Variants in ARHGAP26 observed in about 807,000 individuals in gnomAD.
ARHGAP26 encodes rho GTPase-activating protein 26.
ARHGAP26 carries 38 observed loss-of-function variants against 104.8 expected under a neutral mutation model. The ratio of observed to expected loss-of-function variants is 0.36; its 90% CI spans 0.28 to 0.48. The LOEUF is 0.48. Among genes scored for constraint, ARHGAP26 ranks in the 20% least tolerant of loss-of-function variants. The probability of loss-of-function intolerance (pLI) is 0.99; values close to 1 mark genes in which losing one functional copy is unlikely to be tolerated. For synonymous variants in ARHGAP26, 341 were observed against 340.0 expected, an observed-to-expected ratio of 1.00 and a Z score of -0.03; for missense variants, 704 against 947.9, an observed-to-expected ratio of 0.74 and a Z score of 3.38.
chr5:142,994,041 G>A (rs1004391285), intron 11 of ARHGAP26, among the ~76,000 whole-genome samples: 1 of 152,188 alleles, frequency 6.6e-6, no homozygotes, highest in East Asian at 1.9e-4. Flanking sequence ...CATTCAACCA[G>A]TATTTATTAA....
chr5:142,879,330 C>T (rs1756594588), intron 3 of ARHGAP26, 44 bp from the exon 4 acceptor site: 1 of 1,570,676 alleles, frequency 6.4e-7, no homozygotes. Context: ...TTTACTGATA[C>T]TGCTTTTGTG....
chr5:143,222,245 A>G (rs1378936231), intron 22 of ARHGAP26, 113 bp from the exon 23 acceptor site: 3 of 460,204 alleles, frequency 6.5e-6, no homozygotes, highest in Admixed American at 9.6e-5. Flanking sequence ...AGCTTCCTTC[A>G]TACACACACA....
intron 19 of ARHGAP26, among the ~76,000 whole-genome samples, chr5:143,144,278 T>C (rs1326980777): frequency 6.6e-6 from 1 of 152,228 alleles, no homozygotes; most frequent in Non-Finnish European, 1.5e-5. Context: ...TTTTAATTTT[T>C]ATTTTTTAAA....
chr5:143,042,719 T>C (rs1203529915), intron 14 of ARHGAP26, among the ~76,000 whole-genome samples: 3 of 152,206 alleles, frequency 2.0e-5, no homozygotes, highest in Admixed American at 2.0e-4. Flanking sequence ...GTGTTAGTAT[T>C]TGTAATTTCT....
At chr5:142,898,622 C>G (rs1219719014) in intron 6 of ARHGAP26, among the ~76,000 whole-genome samples, 1 of 152,202 alleles carries the variant, frequency 6.6e-6, no homozygotes, top group Admixed American at 6.5e-5. Context: ...GTCTGATTCT[C>G]TCTCTCTCTC....
intron 1 of ARHGAP26, among the ~76,000 whole-genome samples, chr5:142,836,378 C>CT (rs945448029): frequency 2.0e-5 from 3 of 152,150 alleles, no homozygotes; most frequent in African/African-American, 7.2e-5. Flanking sequence ...AGAGATGTTC[C>CT]TTTTTCCCAA....
chr5:142,889,325 C>T (rs1344344056), intron 5 of ARHGAP26, among the ~76,000 whole-genome samples: 1 of 152,154 alleles, frequency 6.6e-6, no homozygotes, highest in Non-Finnish European at 1.5e-5. Flanking sequence ...TTCTAGTAGT[C>T]TAGTAGGCCA....
chr5:143,107,293 C>T (rs1030875110), intron 17 of ARHGAP26, among the ~76,000 whole-genome samples: 14 of 152,150 alleles, frequency 9.2e-5, no homozygotes, highest in Middle Eastern at 3.4e-3. Flanking sequence ...GTATAGGCCA[C>T]GATGAGGTGT....
At chr5:142,939,436 C>T (rs527904194) in intron 11 of ARHGAP26, among the ~76,000 whole-genome samples, 41 of 152,310 alleles carry the variant, frequency 2.7e-4, no homozygotes, top group Middle Eastern at 3.4e-3. Flanking sequence ...CTTCTGTTTT[C>T]GTCTTTGTGG....
intron 20 of ARHGAP26, among the ~76,000 whole-genome samples, chr5:143,166,589 G>C (rs1801980103): frequency 6.6e-6 from 1 of 152,090 alleles, no homozygotes; most frequent in African/African-American, 2.4e-5. Context: ...GCTTTGGATT[G>C]CCATGACCCC....
At chr5:143,218,742 C>G (rs1810733694) in intron 22 of ARHGAP26, among the ~76,000 whole-genome samples, 1 of 152,374 alleles carries the variant, frequency 6.6e-6, no homozygotes, top group African/African-American at 2.4e-5. Context: ...ATGTTGGACA[C>G]TGGTGCAGTT....
At chr5:142,936,240 A>G (rs1441796578) in intron 11 of ARHGAP26, among the ~76,000 whole-genome samples, 7 of 152,102 alleles carry the variant, frequency 4.6e-5, no homozygotes, top group Non-Finnish European at 7.4e-5. Flanking sequence ...ATTAGCCATA[A>G]TCATATGGTG....
At chr5:143,151,230 C>CGTGT (rs1799803843) in intron 20 of ARHGAP26, among the ~76,000 whole-genome samples, 3 of 152,202 alleles carry the variant, frequency 2.0e-5, no homozygotes, top group Admixed American at 2.0e-4. Flanking sequence ...TACCACTACA[C>CGTGT]ACCTCTGAGA....
rs767782413 is a variant in ARHGAP26 at position 143,134,096 on chromosome 5, A to G, written c.1828A>G (p.Thr610Ala). The change falls in exon 19 of 23, where the codon ACA becomes GCA. Residue 610 changes from threonine (T) to alanine (A), a missense_variant. This residue lies in a region of ARHGAP26 where 217 missense variants were observed against 242.6 expected (regional missense o/e 0.89). Coordinates refer to ENST00000645722, the MANE Select transcript of ARHGAP26 (RefSeq NM_001135608.3). Reference sequence around the variant, plus strand: ...GACGCTCTTCCACACCGTTCAGTCAACAGAGAAACGTGAGTCTTTGCTGCA... The same window carrying G: ...GACGCTCTTCCACACCGTTCAGTCAGCAGAGAAACGTGAGTCTTTGCTGCA... ...PLTLFHTVQSTEKQEQRNSII... is the reference protein window; with the variant it reads ...PLTLFHTVQSAEKQEQRNSII... 3 of 1,609,596 alleles carry G rather than the reference A, an allele frequency of 1.9e-6. No individual in the cohort carries two copies. Among genetic ancestry groups the G allele is most frequent in the African/African-American group, 1.3e-5 (1 of 74,806 alleles).
intron 19 of ARHGAP26, among the ~76,000 whole-genome samples, chr5:143,146,206 A>G (rs1799136149): frequency 6.6e-6 from 1 of 152,256 alleles, no homozygotes; most frequent in East Asian, 1.9e-4. Context: ...ATTTTGCTAC[A>G]GTAATGGTGG....
At chr5:142,958,327 A>G (rs1045050602) in intron 11 of ARHGAP26, among the ~76,000 whole-genome samples, 1 of 152,208 alleles carries the variant, frequency 6.6e-6, no homozygotes, top group Non-Finnish European at 1.5e-5. Context: ...AACCAGAGCT[A>G]AAGATAAATG....
intron 10 of ARHGAP26, chr5:142,921,383 GT>G (rs1327910008): frequency 6.1e-6 from 1 of 163,544 alleles, no homozygotes; most frequent in African/African-American, 2.4e-5. Context: ...ATTTTTTATG[GT>G]GACGTAATTT....
chr5:142,993,725 C>G (rs1775983155), intron 11 of ARHGAP26, among the ~76,000 whole-genome samples: 1 of 152,166 alleles, frequency 6.6e-6, no homozygotes, highest in African/African-American at 2.4e-5. Flanking sequence ...CATTGCAGCC[C>G]CAACCTCTTG....
chr5:142,797,864 T>A (rs1186801969), intron 1 of ARHGAP26, among the ~76,000 whole-genome samples: 1 of 152,250 alleles, frequency 6.6e-6, no homozygotes, highest in Non-Finnish European at 1.5e-5. Flanking sequence ...GGGGACCTTG[T>A]TAAAATGCAG....
Sources: gnomAD v4.1 joint callset for allele counts (sites outside exome capture counted in the v4.1 genomes callset) on GRCh38, gnomAD v4.1.1 for gene constraint, gnomAD v4.1.1 regional missense constraint, MANE v1.5 for transcripts, NCBI Gene and HGNC (gene_info 2026-07-23, HGNC 2026-07-21) for gene names.